The following MAPK8IP1 variants were observed in gnomAD, a reference collection of about 807,000 sequenced individuals.
MAPK8IP1 encodes the protein mitogen-activated protein kinase 8 interacting protein 1.
In MAPK8IP1, 17 loss-of-function variants were observed where a neutral mutation model predicts 72.6. The observed-to-expected ratio is 0.23, with a 90% CI of 0.16 to 0.35. The LOEUF is 0.35. Ranked by LOEUF, MAPK8IP1 falls within the 10% of genes least tolerant of loss-of-function variation. The pLI is 1.00. For missense variants in MAPK8IP1, 789 were observed against 1,009.7 expected (o/e 0.78, Z 2.96); for synonymous variants, 401 against 443.4 (o/e 0.90, Z 1.20).
rs528981014 is a variant in MAPK8IP1 at position 45,905,203 on chromosome 11, G to A, written c.2017G>A (p.Val673Ile). 2.0e-5 allele frequency: 32 copies of A among 1,613,036 alleles called. No homozygotes were observed. Among genetic ancestry groups the A allele is most frequent in the East Asian group, 1.1e-4 (5 of 44,870 alleles). Residue 673 changes from valine to isoleucine, a missense_variant, in exon 11 of 12, where the codon GTC becomes ATC. Around this residue, in one of 4 missense-constraint regions of MAPK8IP1, gnomAD observed 188 missense variants for 293.3 expected, o/e 0.64. Transcript: ENST00000241014. ...HPADHRFACH[V>I]FVSEDSTKAL... ...CGCCGACCACCGGTTTGCCTGCCAC[G>A]TCTTTGTGTCTGAAGACTCCACCAA...
chr11:45,902,125 G>C lies in MAPK8IP1; in HGVS notation c.604+64G>C. ...GCCCTGACTCAGTCCCCACTACAGA[G>C]AGCAAACCCTACAGTCTCCAAAGGG... On this transcript the variant is annotated intron_variant, in intron 4 of 11. Transcript: ENST00000241014. The surrounding 1 kb of genome is among the most constrained non-coding windows in gnomAD (Gnocchi z 9.3). 1.4e-6 allele frequency: 2 copies of C among 1,413,012 alleles called. No individual in the cohort carries two copies. The highest frequency in any genetic ancestry group is 4.5e-5 in the East Asian group (2 of 43,982). 87.5% of individuals were successfully genotyped at this position (1,413,012 alleles called of 1,614,324 possible). A position where few individuals can be genotyped will look rare whatever the true frequency, so the allele number is the denominator to read the frequency against.
intron 1 of MAPK8IP1, chr11:45,896,703 C>T: frequency 1.4e-6 from 2 of 1,433,730 alleles, no homozygotes; most frequent in Non-Finnish European, 9.1e-7. Context: ...CTCTCCTGGC[C>T]TGTCTATTTT....
At chr11:45,894,214 A>G (rs2086586742) in intron 1 of MAPK8IP1, among the ~76,000 whole-genome samples, 1 of 152,214 alleles carries the variant, frequency 6.6e-6, no homozygotes, top group African/African-American at 2.4e-5. Context: ...GGTTGTTGCA[A>G]TGAGGATTAA....
intron 1 of MAPK8IP1, among the ~76,000 whole-genome samples, chr11:45,895,446 C>A (rs143438037): frequency 0.014 from 2,164 of 151,926 alleles, 22 homozygotes; most frequent in Middle Eastern, 0.031. Context: ...ATGGTGAAAC[C>A]CTGTCTCTAC....
chr11:45,903,091 T>G lies in MAPK8IP1; in HGVS notation c.1324T>G (p.Cys442Gly), dbSNP rs1404001798. The stretch of plus-strand genomic sequence containing the variant: ...GGCCCCGCGGCCCCAGCCCCCTGCC[T>G]GCCTCTCCGAGGACTCCACGCCTGA... ...EEAPRPQPPA[C>G]LSEDSTPDEP... The change falls in exon 5 of 12, where the codon TGC becomes GGC. Residue 442 changes from cysteine (C) to glycine (G), a missense_variant. Physicochemically the swap from Cys to Gly is radical, Grantham distance 159. Transcript: ENST00000241014. This position sits in a 1 kb window ranked among gnomAD's most constrained non-coding sequence, Gnocchi z 6.4. The G allele has an allele frequency of 6.2e-7, 1 of 1,611,468 alleles. No homozygotes were observed. The highest frequency in any genetic ancestry group is 1.3e-5 in the African/African-American group (1 of 74,888).
At chr11:45,896,962 C>T (rs776273022) in intron 1 of MAPK8IP1, 3 of 1,563,212 alleles carry the variant, frequency 1.9e-6, no homozygotes, top group Middle Eastern at 1.8e-4. Flanking sequence ...TAGGGGCTAC[C>T]GGGGCTGGCG....
At chr11:45,891,076 T>C (rs1356858271) in intron 1 of MAPK8IP1, among the ~76,000 whole-genome samples, 1 of 151,908 alleles carries the variant, frequency 6.6e-6, no homozygotes, top group East Asian at 1.9e-4. Flanking sequence ...AGGCAGAGAG[T>C]GTTGACTTGC....
intron 10 of MAPK8IP1, 38 bp from the exon 11 acceptor site, chr11:45,905,113 G>C: frequency 1.2e-6 from 2 of 1,611,866 alleles, no homozygotes; most frequent in Non-Finnish European, 8.5e-7. Flanking sequence ...GGTGTGGGCC[G>C]AGCCCCCGTC....
At chr11:45,890,904 G>GA in intron 1 of MAPK8IP1, among the ~76,000 whole-genome samples, 1 of 152,196 alleles carries the variant, frequency 6.6e-6, no homozygotes. Flanking sequence ...TGAAGCCTCA[G>GA]AGAGGACATC....
At chr11:45,886,587 A>T (rs1187094051) in intron 1 of MAPK8IP1, among the ~76,000 whole-genome samples, 1 of 152,036 alleles carries the variant, frequency 6.6e-6, no homozygotes, top group East Asian at 1.9e-4. Flanking sequence ...TGTCGAGGGG[A>T]TCCCTGCTGG....
Position 45,904,048 on chromosome 11 carries a change from A to C in MAPK8IP1, c.1553A>C (p.Glu518Ala). 5.6e-6 allele frequency: 9 copies of C among 1,613,966 alleles called. No homozygotes were observed. Among genetic ancestry groups the C allele is most frequent in the Non-Finnish European group, 7.6e-6 (9 of 1,179,996 alleles). Residue 518 changes from glutamate to alanine, a missense_variant, in exon 7 of 12, where the codon GAG becomes GCG. Physicochemically the swap from Glu to Ala is moderately radical, Grantham distance 107. This residue lies in a region of MAPK8IP1 where 188 missense variants were observed against 293.3 expected (regional missense o/e 0.64). Transcript: ENST00000241014. This position sits in a 1 kb window ranked among gnomAD's most constrained non-coding sequence, Gnocchi z 6.4. ...ELEVDDPLLV[E>A]LQAEDYWYEA... The stretch of plus-strand genomic sequence containing the variant: ...GAAGTGGATGACCCTCTGCTAGTGG[A>C]GCTCCAGGCTGAAGACTACTGGTAC...
Position 45,903,224 on chromosome 11 carries a change from T to C in MAPK8IP1, c.1417+40T>C. Reference sequence around the variant, plus strand: ...GGAAGCAGTGGGGTGGGGGGGTCCCTAGCGGGGGCAGAGCCAAAATGCGAA... The same window carrying C: ...GGAAGCAGTGGGGTGGGGGGGTCCCCAGCGGGGGCAGAGCCAAAATGCGAA... On this transcript the variant is annotated intron_variant, in intron 5 of 11. Transcript: ENST00000241014. The surrounding 1 kb of genome is among the most constrained non-coding windows in gnomAD (Gnocchi z 6.4). The C allele has an allele frequency of 6.4e-7, 1 of 1,573,416 alleles. No individual in the cohort carries two copies. The highest frequency in any genetic ancestry group is 8.7e-7 in the Non-Finnish European group (1 of 1,153,036).
rs372041578 is a variant in MAPK8IP1 at position 45,904,413 on chromosome 11, C to T, written c.1667-42C>T. The stretch of plus-strand genomic sequence containing the variant: ...CCTTCACTTGGCTGCTCAGCTCCCT[C>T]CTGCTCTTTCTGCCCCTCCTCAATT... On this transcript the variant is annotated intron_variant, in intron 7 of 11. Coordinates refer to ENST00000241014, the MANE Select transcript of MAPK8IP1 (RefSeq NM_005456.4). The surrounding 1 kb of genome is among the most constrained non-coding windows in gnomAD (Gnocchi z 6.4). The T allele has an allele frequency of 3.3e-6, 5 of 1,535,804 alleles. No individual in the cohort carries two copies. The African/African-American group carries it at 5.5e-5, about 17-fold the overall frequency.
intron 1 of MAPK8IP1, chr11:45,896,739 C>G: frequency 1.4e-6 from 2 of 1,465,138 alleles, no homozygotes; most frequent in East Asian, 5.0e-5. Flanking sequence ...GCTTCTGCAG[C>G]AGGCAGGACG....
Position 45,905,719 on chromosome 11 carries a change from T to C in MAPK8IP1, c.2134T>C (p.Ter712GlnextTer28). Reference protein sequence around the residue: ...TCPTEDIYLE* With the variant: ...TCPTEDIYLEQ The stretch of plus-strand genomic sequence containing the variant: ...CCCCACAGAAGATATCTACCTGGAG[T>C]AGCTGTGCAGCCCCGCCCTCTGCGT... Residue 712 changes from the stop codon to glutamine, a stop_lost, in exon 12 of 12, where the codon TAG becomes CAG. Transcript: ENST00000241014. 6.2e-7 allele frequency: 1 copy of C among 1,613,240 alleles called. No homozygotes were observed. The highest frequency in any genetic ancestry group is 8.5e-7 in the Non-Finnish European group (1 of 1,179,690).
At chr11:45,892,059 GCTCAT>G (rs1205027149) in intron 1 of MAPK8IP1, among the ~76,000 whole-genome samples, 1 of 152,212 alleles carries the variant, frequency 6.6e-6, no homozygotes, top group Non-Finnish European at 1.5e-5. Context: ...GTCCCTCGGG[GCTCAT>G]TTCTTTGGTT....
rs952281097 is a variant in MAPK8IP1, at chr11:45,897,211, C to G, written c.102-874C>G. Among the ~76,000 whole-genome samples the G allele has an allele frequency of 3.3e-5, 5 of 152,208 alleles. No homozygotes were observed. The East Asian group carries it at 9.7e-4, about 29-fold the overall frequency. On this transcript the variant is annotated intron_variant, in intron 1 of 11. Transcript: ENST00000241014. ...AATGTTCTACCCCCCCACCACCCCCCCAGCAAGCCAGGCAGAGTGCCCAGG... is the reference window on the plus strand; with the variant it reads ...AATGTTCTACCCCCCCACCACCCCCGCAGCAAGCCAGGCAGAGTGCCCAGG...
At chr11:45,886,835 G>A (rs1231102196) in intron 1 of MAPK8IP1, among the ~76,000 whole-genome samples, 1 of 152,108 alleles carries the variant, frequency 6.6e-6, no homozygotes, top group Non-Finnish European at 1.5e-5. Flanking sequence ...CTCGAGAACT[G>A]GCGCCTTCCC....
At chr11:45,897,054 CT>C in intron 1 of MAPK8IP1, 1 of 1,252,312 alleles carries the variant, frequency 8.0e-7, no homozygotes, top group Non-Finnish European at 1.1e-6. Context: ...GAGTCTGGGC[CT>C]CCTAGGTTCC....
Sources: gnomAD v4.1 joint callset for allele counts (sites outside exome capture counted in the v4.1 genomes callset) on GRCh38, gnomAD v4.1.1 for gene constraint, gnomAD v4.1.1 regional missense constraint, Gnocchi (gnomAD v3.1) non-coding constraint, MANE v1.5 for transcripts, NCBI Gene and HGNC (gene_info 2026-07-23, HGNC 2026-07-21) for gene names.